FRMD4A: variants seen among roughly 807,000 people sequenced by gnomAD.
The protein encoded by FRMD4A is FERM domain-containing protein 4A.
In FRMD4A, 29 loss-of-function variants were observed where a neutral mutation model predicts 129.1. The observed-to-expected ratio is 0.22, with a 90% confidence interval of 0.17 to 0.31. The LOEUF is 0.31. FRMD4A is among the 10% of genes least tolerant of loss of function. The pLI is 1.00. For missense variants in FRMD4A, 1,272 were observed against 1,375.8 expected (o/e 0.92, Z 1.19); for synonymous variants, 634 against 571.6 (o/e 1.11, Z -1.56).
chr10:14,186,151 A>T (rs2131913661), intron 2 of FRMD4A, among the ~76,000 whole-genome samples: 1 of 149,344 alleles, frequency 6.7e-6, no homozygotes, highest in Admixed American at 6.7e-5. Context: ...AAGAAAAAGA[A>T]AAAAAAAAAA....
rs117330416 is a variant in FRMD4A at position 13,736,798 on chromosome 10, C to G, written c.759+1046G>C. On this transcript the variant is annotated intron_variant, in intron 12 of 24. Transcript: ENST00000357447. ...GTATTTCAGGGTTTGGACTGCATAC[C>G]ATCTCCTTTATTCTCCACCGGGGGA... is the stretch of plus-strand genomic sequence containing the variant. 9.0e-3 allele frequency among the ~76,000 whole-genome samples: 1,371 copies of G among 152,252 alleles called. 52 individuals are homozygous for G. In the South Asian group the frequency reaches 0.1, roughly 11 times the overall value.
At chr10:14,221,841 C>T (rs142560344) in intron 2 of FRMD4A, among the ~76,000 whole-genome samples, 5 of 152,240 alleles carry the variant, frequency 3.3e-5, no homozygotes, top group African/African-American at 1.2e-4. Context: ...AGATGTGAGT[C>T]ACAATGCGCC....
intron 2 of FRMD4A, among the ~76,000 whole-genome samples, chr10:14,094,867 G>A (rs919618447): frequency 1.3e-5 from 2 of 152,210 alleles, no homozygotes; most frequent in African/African-American, 2.4e-5. Flanking sequence ...GTGTGCATGT[G>A]TGGACATATG....
At chr10:13,979,329 G>A (rs770274918) in intron 2 of FRMD4A, among the ~76,000 whole-genome samples, 2 of 152,200 alleles carry the variant, frequency 1.3e-5, no homozygotes, top group Non-Finnish European at 2.9e-5. Flanking sequence ...GGTCCCCAGA[G>A]AGAAGGGCAG....
chr10:14,294,219 G>A (rs763257061), intron 2 of FRMD4A, among the ~76,000 whole-genome samples: 2 of 152,166 alleles, frequency 1.3e-5, no homozygotes, highest in Non-Finnish European at 2.9e-5. Context: ...CCATATGTTT[G>A]ATATATTATT....
intron 2 of FRMD4A, among the ~76,000 whole-genome samples, chr10:14,205,939 C>T (rs1329535357): frequency 6.6e-6 from 1 of 151,966 alleles, no homozygotes; most frequent in Non-Finnish European, 1.5e-5. Flanking sequence ...CCCTTCTCGT[C>T]GTGGTATGAG....
At chr10:14,067,693 C>T (rs185725727) in intron 2 of FRMD4A, among the ~76,000 whole-genome samples, 8 of 151,416 alleles carry the variant, frequency 5.3e-5, no homozygotes, top group Non-Finnish European at 8.9e-5. Flanking sequence ...GGTGCATGCC[C>T]GTAGTCCCAG....
At chr10:13,970,321 C>T (rs1313102185) in intron 2 of FRMD4A, among the ~76,000 whole-genome samples, 2 of 152,156 alleles carry the variant, frequency 1.3e-5, no homozygotes, top group Non-Finnish European at 2.9e-5. Context: ...GGTGAAGAAG[C>T]AGGAGCAGGG....
In FRMD4A at chr10:14,328,210, C is replaced by T. The variant is rs376946303; in HGVS notation, c.45+1848G>A. On this transcript the variant is annotated intron_variant, in intron 2 of 24. Transcript: ENST00000357447. ...CCCTGGTTTCCAAGAGAGGAGAACA[C>T]GATCCTTTTTTCCGGGCAGGAGGAG... Among the ~76,000 whole-genome samples the T allele has an allele frequency of 9.2e-5, 14 of 152,092 alleles. No homozygotes were observed. In the East Asian group the frequency reaches 1.7e-3, roughly 19 times the overall value.
Position 13,736,847 on chromosome 10 carries a change from A to T in FRMD4A, c.759+997T>A, listed in dbSNP as rs530711466. Reference sequence around the variant, plus strand: ...GATCTGAATGATAGCACTCGCCTCTAAGATATGTTTCCATTATAATTTTTC... The same window carrying T: ...GATCTGAATGATAGCACTCGCCTCTTAGATATGTTTCCATTATAATTTTTC... On this transcript the variant is annotated intron_variant, in intron 12 of 24. Transcript: ENST00000357447. Among the ~76,000 whole-genome samples the T allele has an allele frequency of 6.6e-5, 10 of 152,312 alleles. No homozygotes were observed. In the South Asian group the frequency reaches 2.1e-3, roughly 32 times the overall value.
chr10:14,175,190 G>A (rs745493838), intron 2 of FRMD4A, among the ~76,000 whole-genome samples: 52 of 152,250 alleles, frequency 3.4e-4, no homozygotes, highest in Admixed American at 8.5e-4. Flanking sequence ...CAAGGGGCCA[G>A]GACCCCTTTT....
intron 2 of FRMD4A, among the ~76,000 whole-genome samples, chr10:14,223,962 C>A (rs1420745556): frequency 6.6e-6 from 1 of 152,068 alleles, no homozygotes; most frequent in Non-Finnish European, 1.5e-5. Flanking sequence ...TTTCGGGGAC[C>A]CTTCTCTAAT....
rs367652892 is a variant in FRMD4A, at chr10:13,657,078, G to A, written c.2511C>T (p.Tyr837=). ...QPSSQYRIKE[Y]PLYIEGGATP... is the part of the protein sequence containing the mutation. ...TGGCGCCGCCCTCGATGTACAGCGG[G>A]TACTCCTTGATGCGGTACTGCGAGC... Residue 837 remains tyrosine, a synonymous_variant, in exon 22 of 25, where the codon TAC becomes TAT. Coordinates refer to ENST00000357447, the MANE Select transcript of FRMD4A (RefSeq NM_018027.5). The A allele has an allele frequency of 1.3e-4, 207 of 1,577,804 alleles. 3 individuals are homozygous for A. The South Asian group carries it at 2.2e-3, about 17-fold the overall frequency.
chr10:13,922,831 G>T (rs2610810), intron 2 of FRMD4A, among the ~76,000 whole-genome samples: 131,821 of 152,200 alleles, frequency 0.87, 57,226 homozygotes, highest in Middle Eastern at 0.97. Context: ...CAGAAATGTT[G>T]ACTATTTCTG....
rs147390527 is a variant in FRMD4A, at chr10:13,775,774, C to T, written c.384+7148G>A. On this transcript the variant is annotated intron_variant, in intron 6 of 24. Coordinates refer to ENST00000357447, the MANE Select transcript of FRMD4A (RefSeq NM_018027.5). ...GAAAAACAACAGCAGTAGCAGCTGC[C>T]ACAGCAACCAAAATCAAACCAAAGA... is the stretch of plus-strand genomic sequence containing the variant. Among the ~76,000 whole-genome samples, 18 of 152,234 alleles carry T rather than the reference C, an allele frequency of 1.2e-4. No homozygotes were observed. The East Asian group carries it at 3.1e-3, about 26-fold the overall frequency.
At chr10:14,257,503 G>A (rs1844657648) in intron 2 of FRMD4A, among the ~76,000 whole-genome samples, 4 of 152,172 alleles carry the variant, frequency 2.6e-5, no homozygotes, top group African/African-American at 9.7e-5. Context: ...TTTGTATTGA[G>A]TTGAATGGTA....
chr10:13,892,582 A>T (rs1401940063), intron 2 of FRMD4A, among the ~76,000 whole-genome samples: 1 of 151,866 alleles, frequency 6.6e-6, no homozygotes, highest in African/African-American at 2.4e-5. Context: ...TCTTAGACAC[A>T]TTTTTTTTCA....
At chr10:13,786,180 C>T (rs2092856627) in intron 5 of FRMD4A, among the ~76,000 whole-genome samples, 2 of 152,178 alleles carry the variant, frequency 1.3e-5, no homozygotes, top group African/African-American at 4.8e-5. Flanking sequence ...AATTCTAGAT[C>T]CTTGAGGAAT....
intron 6 of FRMD4A, among the ~76,000 whole-genome samples, chr10:13,776,612 C>A (rs750134078): frequency 6.6e-6 from 1 of 152,154 alleles, no homozygotes; most frequent in African/African-American, 2.4e-5. Context: ...ATGATGTCAT[C>A]TATTACTTTG....
Sources: gnomAD v4.1 joint callset for allele counts (sites outside exome capture counted in the v4.1 genomes callset) on GRCh38, gnomAD v4.1.1 for gene constraint, MANE v1.5 for transcripts, NCBI Gene and HGNC (gene_info 2026-07-23, HGNC 2026-07-21) for gene names.